CNDP2: variants seen among roughly 807,000 people sequenced by gnomAD.
CNDP2 encodes the protein cytosolic non-specific dipeptidase.
In CNDP2, 38 loss-of-function variants were observed where a neutral mutation model predicts 55.0. That is an observed-to-expected ratio of 0.69 (90% CI 0.53 to 0.90). CNDP2 has a LOEUF of 0.90. CNDP2 is among the 40% of genes least tolerant of loss of function. The pLI, the probability that CNDP2 is intolerant of heterozygous loss-of-function variation, is 0.00. For missense variants in CNDP2, 607 were observed against 621.7 expected, an observed-to-expected ratio of 0.98 and a Z score of 0.25; for synonymous variants, 241 against 260.2, an observed-to-expected ratio of 0.93 and a Z score of 0.71.
In CNDP2 at chr18:74,518,978, G is replaced by A; in HGVS notation, c.1240G>A (p.Glu414Lys). The A allele has an allele frequency of 6.2e-7, 1 of 1,614,186 alleles. No individual in the cohort carries two copies. Among genetic ancestry groups the A allele is most frequent in the South Asian group, 1.1e-5 (1 of 91,082 alleles). The change falls in exon 11 of 12, where the codon GAA becomes AAA. Residue 414 changes from glutamate to lysine, a missense_variant. Physicochemically the swap from Glu to Lys is moderately conservative, Grantham distance 56. Coordinates refer to ENST00000324262, the MANE Select transcript of CNDP2 (RefSeq NM_018235.3). ...TGGTGTTGAGCCAGACTTGACCAGG[G>A]AAGGCGGCAGTATTCCCGTGACCTT... ...VFGVEPDLTR[E>K]GGSIPVTLTF...
At chr18:74,506,174 C>A in intron 4 of CNDP2, 163 bp downstream of exon 4, 1 of 631,502 alleles carries the variant, frequency 1.6e-6, no homozygotes, top group Non-Finnish European at 2.2e-6. Flanking sequence ...CACTCTGTAG[C>A]TCAGGCTGGA....
intron 4 of CNDP2, among the ~76,000 whole-genome samples, chr18:74,506,711 T>TG (rs1979047067): frequency 6.6e-6 from 1 of 152,156 alleles, no homozygotes; most frequent in African/African-American, 2.4e-5. Flanking sequence ...GCTGCCCCAG[T>TG]GGGGGTGGCG....
chr18:74,505,017 T>C (rs1419779505), intron 3 of CNDP2: 1 of 152,240 alleles, frequency 6.6e-6, no homozygotes, highest in East Asian at 1.9e-4. Context: ...TTGTGGAATA[T>C]TGGTAGTGCT....
chr18:74,518,289 TCTC>T (rs1979823323), intron 9 of CNDP2: 5 of 468,274 alleles, frequency 1.1e-5, no homozygotes, highest in Non-Finnish European at 1.9e-5. Context: ...AAAAAAGAAG[TCTC>T]CTCTTTCCTT....
At chr18:74,496,532 T>G (rs528932947) in intron 1 of CNDP2, 101 bp downstream of exon 1, 177 of 152,380 alleles carry the variant, frequency 1.2e-3, no homozygotes, top group African/African-American at 4.1e-3. Flanking sequence ...CACGCCTCAT[T>G]CGTGGGGGAG....
At position 74,522,616 on chromosome 18, in the gene CNDP2, G is replaced by C. The variant is rs1980116478; in HGVS notation, c.*2548G>C. On this transcript the variant is annotated 3_prime_UTR_variant, in exon 12 of 12. Transcript: ENST00000324262. ...GAGTGGGCTTGTTTGGCCTCCTCTTGCTCTCTCTACCCCTCTCTGAGCCCT... is the reference window on the plus strand; with the variant it reads ...GAGTGGGCTTGTTTGGCCTCCTCTTCCTCTCTCTACCCCTCTCTGAGCCCT... 6.6e-6 allele frequency: 1 copy of C among 152,328 alleles called. No homozygotes were observed. Among genetic ancestry groups the C allele is most frequent in the Non-Finnish European group, 1.5e-5 (1 of 68,112 alleles). 9.4% of individuals were successfully genotyped at this position (152,328 alleles called of 1,614,324 possible).
chr18:74,497,783 T>C (rs1978490084), intron 1 of CNDP2: 1 of 152,174 alleles, frequency 6.6e-6, no homozygotes, highest in Non-Finnish European at 1.5e-5. Context: ...ACAACCTGTC[T>C]CTAAATAAAT....
chr18:74,499,828 G>A, intron 1 of CNDP2, 54 bp from the exon 2 acceptor site: 2 of 621,970 alleles, frequency 3.2e-6, no homozygotes, highest in Non-Finnish European at 5.6e-6. Flanking sequence ...TTGCAGTGCT[G>A]GCTGGGAGGG....
intron 6 of CNDP2, among the ~76,000 whole-genome samples, chr18:74,511,703 A>G (rs1979362644): frequency 7.1e-6 from 1 of 141,064 alleles, no homozygotes; most frequent in Non-Finnish European, 1.6e-5. Context: ...GCGAGACTCC[A>G]CTTCAAAAAA....
At position 74,512,511 on chromosome 18, in the gene CNDP2, A is replaced by G; in HGVS notation, c.721A>G (p.Thr241Ala). ...CGGGGGCTCGGTGCATGAGGCCATG[A>G]CTGATCTCATTTTGCTGATGGGTAA... Reference protein sequence around the residue: ...VYGGSVHEAMTDLILLMGSLV... With the variant: ...VYGGSVHEAMADLILLMGSLV... Residue 241 changes from threonine to alanine, a missense_variant, in exon 7 of 12, where the codon ACT (threonine) becomes GCT (alanine). Transcript: ENST00000324262. The G allele has an allele frequency of 6.2e-7, 1 of 1,613,886 alleles. No homozygotes were observed. The highest frequency in any genetic ancestry group is 8.5e-7 in the Non-Finnish European group (1 of 1,179,874).
chr18:74,506,524 A>C (rs146003180), intron 4 of CNDP2, among the ~76,000 whole-genome samples: 1 of 152,214 alleles, frequency 6.6e-6, no homozygotes, highest in Admixed American at 6.5e-5. Flanking sequence ...TTTCCTGTGC[A>C]AATGAGCCCC....
chr18:74,499,538 A>C (rs1978574177), intron 1 of CNDP2: 1 of 164,560 alleles, frequency 6.1e-6, no homozygotes, highest in South Asian at 1.5e-4. Context: ...TGAAGTGACT[A>C]TATCCTCTGC....
chr18:74,511,721 A>AG (rs1378732380), intron 6 of CNDP2, among the ~76,000 whole-genome samples: 46 of 152,044 alleles, frequency 3.0e-4, no homozygotes, highest in Middle Eastern at 3.4e-3. Context: ...AAAAAAAAAA[A>AG]AGAGAAACCG....
intron 9 of CNDP2, 162 bp downstream of exon 9, chr18:74,516,554 A>G (rs1979681459): frequency 8.4e-6 from 6 of 710,858 alleles, no homozygotes; most frequent in Non-Finnish European, 1.4e-5. Flanking sequence ...TCAGAAGCTA[A>G]TCAAAGATAA....
At chr18:74,501,214 T>A in intron 2 of CNDP2, 115 bp from the exon 3 acceptor site, 1 of 1,471,980 alleles carries the variant, frequency 6.8e-7, no homozygotes, top group South Asian at 1.4e-5. Flanking sequence ...CCAATCAGCC[T>A]GTTCAACTGC....
chr18:74,518,891 A>T (rs908058052), intron 10 of CNDP2, 58 bp from the exon 11 acceptor site: 1 of 1,607,288 alleles, frequency 6.2e-7, no homozygotes, highest in Non-Finnish European at 8.5e-7. Flanking sequence ...GGTCTGAGAC[A>T]GATCCCCAGC....
chr18:74,519,116 C>G lies in CNDP2; in HGVS notation c.1358+20C>G. The G allele has an allele frequency of 6.3e-7, 1 of 1,589,902 alleles. No homozygotes were observed. Among genetic ancestry groups the G allele is most frequent in the Non-Finnish European group, 8.6e-7 (1 of 1,163,980 alleles). On this transcript the variant is annotated intron_variant, in intron 11 of 11. Coordinates refer to ENST00000324262, the MANE Select transcript of CNDP2 (RefSeq NM_018235.3). ...CAACAGGTGAGAGTCCAGGGTGCGG[C>G]CCAGGTTGGCGTCTCCTGCACAGCG...
Position 74,523,351 on chromosome 18 carries a change from C to A in CNDP2, c.*3283C>A, listed in dbSNP as rs904123022. 1 of 152,176 alleles carries A rather than the reference C, an allele frequency of 6.6e-6. No individual in the cohort carries two copies. The highest frequency in any genetic ancestry group is 1.5e-5 in the Non-Finnish European group (1 of 68,034). The allele number at this position is 152,176 out of a possible 1,614,324, so 9.4% of individuals were successfully genotyped here. On this transcript the variant is annotated 3_prime_UTR_variant, in exon 12 of 12. Coordinates refer to ENST00000324262, the MANE Select transcript of CNDP2 (RefSeq NM_018235.3). Reference sequence around the variant, plus strand: ...TGAAGACAGAAATGACCCTGTGACCCCTTTGCAAAGTATGAAGAACGGTTC... The same window carrying A: ...TGAAGACAGAAATGACCCTGTGACCACTTTGCAAAGTATGAAGAACGGTTC...
At chr18:74,510,494 G>A (rs991378749) in intron 5 of CNDP2, among the ~76,000 whole-genome samples, 1 of 152,166 alleles carries the variant, frequency 6.6e-6, no homozygotes, top group Non-Finnish European at 1.5e-5. Flanking sequence ...GGCTCCGCTG[G>A]TATAATCAGG....
Sources: allele counts gnomAD v4.1 joint callset (sites outside exome capture counted in the v4.1 genomes callset), GRCh38; gene constraint gnomAD v4.1.1; transcripts MANE v1.5; gene names NCBI Gene and HGNC (gene_info 2026-07-23, HGNC 2026-07-21).